The following SELENOT variants were observed in gnomAD, a reference collection of about 807,000 sequenced individuals.
The protein encoded by SELENOT is thioredoxin reductase-like selenoprotein T.
In SELENOT, 9 loss-of-function variants were observed where a neutral mutation model predicts 24.3. The observed-to-expected ratio is 0.37, with a 90% confidence interval of 0.22 to 0.65. The LOEUF (loss-of-function observed/expected upper bound fraction) is 0.65. Ranked by LOEUF, SELENOT falls within the 30% of genes least tolerant of loss-of-function variation. The pLI is 0.60. For missense variants in SELENOT, 166 were observed against 247.6 expected (o/e 0.67, Z 2.21); for synonymous variants, 81 against 86.0 (o/e 0.94, Z 0.32).
chr3:150,611,249 A>G (rs930824179), intron 1 of SELENOT: 3 of 1,182,902 alleles, frequency 2.5e-6, no homozygotes, highest in Non-Finnish European at 3.7e-6. Context: ...TTTTAGTCTC[A>G]ATTCCACATC....
chr3:150,620,180 G>A (rs574022910), intron 1 of SELENOT, among the ~76,000 whole-genome samples: 1 of 152,276 alleles, frequency 6.6e-6, no homozygotes, highest in East Asian at 1.9e-4. Context: ...TTCAGCCTGC[G>A]CATATGCACA....
chr3:150,615,735 G>A lies in SELENOT; in HGVS notation c.138-6650G>A, dbSNP rs1306506998. Among the ~76,000 whole-genome samples the A allele has an allele frequency of 1.6e-4, 25 of 152,166 alleles. 1 individual carries two copies. Among genetic ancestry groups the A allele is most frequent in the Admixed American group, 1.6e-3 (25 of 15,282 alleles). On this transcript the variant is annotated intron_variant, in intron 1 of 5. Coordinates refer to ENST00000471696, the MANE Select transcript of SELENOT (RefSeq NM_016275.5). ...AAATGGAAGAACATTCCATGCTCATGGGTAGGAAGAATAAATATCGTGAAA... is the reference window on the plus strand; with the variant it reads ...AAATGGAAGAACATTCCATGCTCATAGGTAGGAAGAATAAATATCGTGAAA...
chr3:150,611,955 C>T, intron 1 of SELENOT: 2 of 709,328 alleles, frequency 2.8e-6, no homozygotes, highest in Non-Finnish European at 2.3e-6. Context: ...GTTCACTCTG[C>T]ACACCAAGTT....
Position 150,627,018 on chromosome 3 carries a change from G to A in SELENOT, c.472G>A (p.Val158Met), listed in dbSNP as rs746775644. Reference protein sequence around the residue: ...AFEITLNDVPVWSKLESGHLP... With the variant: ...AFEITLNDVPMWSKLESGHLP... ...GCCATTTATTTTTATAGATGTACCT[G>A]TGTGGTCTAAGCTGGAATCTGGTCA... is the stretch of plus-strand genomic sequence containing the variant. The change falls in exon 5 of 6, where the codon GTG (valine) becomes ATG (methionine). Residue 158 changes from valine (V) to methionine (M), a missense_variant. Physicochemically the swap from Val to Met is conservative, Grantham distance 21. This residue lies in a region of SELENOT where 44 missense variants were observed against 72.2 expected (regional missense o/e 0.61). Transcript: ENST00000471696. 1 of 1,611,992 alleles carries A rather than the reference G, an allele frequency of 6.2e-7. No homozygotes were observed. Among genetic ancestry groups the A allele is most frequent in the Non-Finnish European group, 8.5e-7 (1 of 1,179,566 alleles).
chr3:150,608,111 G>T (rs1486535581), intron 1 of SELENOT, among the ~76,000 whole-genome samples: 1 of 152,122 alleles, frequency 6.6e-6, no homozygotes, highest in Non-Finnish European at 1.5e-5. Context: ...GATGATTCCT[G>T]AGTTCTGTGG....
chr3:150,619,401 C>T (rs1486409267), intron 1 of SELENOT, among the ~76,000 whole-genome samples: 1 of 144,674 alleles, frequency 6.9e-6, no homozygotes, highest in Non-Finnish European at 1.5e-5. Flanking sequence ...CTGGGCACGG[C>T]GGCGGGCGCC....
intron 1 of SELENOT, among the ~76,000 whole-genome samples, chr3:150,617,073 G>A (rs111670965): frequency 2.1e-4 from 32 of 152,366 alleles, no homozygotes; most frequent in Non-Finnish European, 4.3e-4. Context: ...GCAGCTATGG[G>A]CATGTGGTGG....
intron 1 of SELENOT, chr3:150,614,695 T>C (rs908616016): frequency 6.5e-6 from 1 of 152,944 alleles, no homozygotes; most frequent in Non-Finnish European, 1.5e-5. Flanking sequence ...AACTTTAAAA[T>C]CATTTTTATA....
chr3:150,621,011 A>C (rs1034569064), intron 1 of SELENOT, among the ~76,000 whole-genome samples: 2 of 152,170 alleles, frequency 1.3e-5, no homozygotes, highest in African/African-American at 4.8e-5. Context: ...TGTAAATTTG[A>C]AATTATATTA....
At chr3:150,620,989 T>C (rs754403305) in intron 1 of SELENOT, among the ~76,000 whole-genome samples, 1 of 152,170 alleles carries the variant, frequency 6.6e-6, no homozygotes, top group Non-Finnish European at 1.5e-5. Flanking sequence ...TATACTAATA[T>C]TACAACTTTT....
rs1726487317 is a variant in SELENOT at position 150,628,424 on chromosome 3, A to G, written c.*795A>G. ...ATTGCTCAGTGTACCTGTTAACATTATATTTAACAATTGCTTAAATTTTTG... is the reference window on the plus strand; with the variant it reads ...ATTGCTCAGTGTACCTGTTAACATTGTATTTAACAATTGCTTAAATTTTTG... On this transcript the variant is annotated 3_prime_UTR_variant, in exon 6 of 6. Coordinates refer to ENST00000471696, the MANE Select transcript of SELENOT (RefSeq NM_016275.5). The G allele has an allele frequency of 6.6e-6, 1 of 152,652 alleles. No individual in the cohort carries two copies. Among genetic ancestry groups the G allele is most frequent in the African/African-American group, 2.4e-5 (1 of 41,466 alleles). 9.5% of individuals were successfully genotyped at this position (152,652 alleles called of 1,614,324 possible).
chr3:150,616,966 A>G (rs1243755543), intron 1 of SELENOT, among the ~76,000 whole-genome samples: 1 of 151,964 alleles, frequency 6.6e-6, no homozygotes, highest in Non-Finnish European at 1.5e-5. Flanking sequence ...GGTTTTACAC[A>G]GGTGAATACT....
chr3:150,605,256 T>C (rs1208929879), intron 1 of SELENOT, among the ~76,000 whole-genome samples: 1 of 152,230 alleles, frequency 6.6e-6, no homozygotes, highest in Non-Finnish European at 1.5e-5. Flanking sequence ...AATTATTTAA[T>C]TTTTCTGTAT....
chr3:150,626,885 C>G (rs1168771864), intron 4 of SELENOT, 125 bp from the exon 5 acceptor site: 3 of 826,826 alleles, frequency 3.6e-6, no homozygotes, highest in East Asian at 2.7e-5. Context: ...TGAGAGCAAG[C>G]AGTGTACTTT....
Position 150,611,759 on chromosome 3 carries a change from G to A in SELENOT, c.137+8260G>A. Reference sequence around the variant, plus strand: ...CGGCCTGGCCGCCCCCAGGGGCCCAGCCGCTGAGACCGCCCCTGCGCCCGG... The same window carrying A: ...CGGCCTGGCCGCCCCCAGGGGCCCAACCGCTGAGACCGCCCCTGCGCCCGG... On this transcript the variant is annotated intron_variant, in intron 1 of 5. Coordinates refer to ENST00000471696, the MANE Select transcript of SELENOT (RefSeq NM_016275.5). 9 of 1,353,052 alleles carry A rather than the reference G, an allele frequency of 6.7e-6. No individual in the cohort carries two copies. The South Asian group carries it at 1.1e-4, about 16-fold the overall frequency. 83.8% of individuals were successfully genotyped at this position (1,353,052 alleles called of 1,614,324 possible).
intron 1 of SELENOT, among the ~76,000 whole-genome samples, chr3:150,621,015 T>C (rs1175151074): frequency 3.3e-5 from 5 of 152,144 alleles, no homozygotes; most frequent in African/African-American, 1.2e-4. Flanking sequence ...AATTTGAAAT[T>C]ATATTAAATT....
chr3:150,605,852 CAT>C (rs1725950962), intron 1 of SELENOT, among the ~76,000 whole-genome samples: 1 of 152,202 alleles, frequency 6.6e-6, no homozygotes, highest in African/African-American at 2.4e-5. Flanking sequence ...TGAGGATAAA[CAT>C]GAGAATTTTA....
intron 1 of SELENOT, among the ~76,000 whole-genome samples, chr3:150,622,174 CTT>C (rs1029669177): frequency 4.3e-4 from 65 of 150,894 alleles, no homozygotes; most frequent in African/African-American, 1.4e-3. Context: ...AGTTTAATGT[CTT>C]AATGGAAGGA....
rs1559897192 is a variant in SELENOT, at chr3:150,617,838, T to TTTGGTTTG, written c.138-4547_138-4546insTTGGTTTG. Reference sequence around the variant, plus strand: ...CATTCAAAGTGTTTGCAACTGTTTTTGTTTGGTTTGGTTTGGTTTGGTTTT... The same window carrying TTTGGTTTG: ...CATTCAAAGTGTTTGCAACTGTTTTTTTGGTTTGGTTTGGTTTGGTTTGGTTTGGTTTT... On this transcript the variant is annotated intron_variant, in intron 1 of 5. Coordinates refer to ENST00000471696, the MANE Select transcript of SELENOT (RefSeq NM_016275.5). Among the ~76,000 whole-genome samples the TTTGGTTTG allele has an allele frequency of 1.5e-4, 22 of 150,886 alleles. No individual in the cohort carries two copies. In the South Asian group the frequency reaches 4.2e-3, roughly 29 times the overall value.
Sources: allele counts gnomAD v4.1 joint callset (sites outside exome capture counted in the v4.1 genomes callset), GRCh38; gene constraint gnomAD v4.1.1; regional missense constraint gnomAD v4.1.1; transcripts MANE v1.5; gene names NCBI Gene and HGNC (gene_info 2026-07-23, HGNC 2026-07-21).